PARP4: variants seen among roughly 807,000 people sequenced by gnomAD.
PARP4 encodes the protein poly(ADP-ribose) polymerase family member 4.
PARP4 carries 120 observed loss-of-function variants against 187.7 expected under a neutral mutation model. The ratio of observed to expected loss-of-function variants is 0.64; its 90% CI spans 0.55 to 0.74. PARP4 has a LOEUF of 0.74. Among genes scored for constraint, PARP4 ranks in the 30% least tolerant of loss-of-function variants. PARP4 has a pLI of 0.00. For missense variants in PARP4, 1,836 were observed against 2,070.5 expected, an observed-to-expected ratio of 0.89 and a Z score of 2.20; for synonymous variants, 654 against 740.9, an observed-to-expected ratio of 0.88 and a Z score of 1.90.
intron 33 of PARP4, among the ~76,000 whole-genome samples, 189 bp downstream of exon 33, chr13:24,426,277 C>G (rs1870045159): frequency 6.6e-6 from 1 of 152,016 alleles, no homozygotes; most frequent in Admixed American, 6.6e-5. Flanking sequence ...CCTGTGCAGC[C>G]CAAGGCACAA....
At chr13:24,511,050 A>G (rs1268135823) in intron 1 of PARP4, among the ~76,000 whole-genome samples, 2 of 152,162 alleles carry the variant, frequency 1.3e-5, no homozygotes, top group East Asian at 3.9e-4. Context: ...AGCCTCCCAG[A>G]GTGCTGGGGT....
intron 33 of PARP4, among the ~76,000 whole-genome samples, chr13:24,425,507 G>T (rs775513223): frequency 5.0e-4 from 76 of 151,304 alleles, no homozygotes; most frequent in African/African-American, 1.8e-3. Flanking sequence ...CCAATTACAT[G>T]TGTATGTATA....
intron 18 of PARP4, 50 bp from the exon 19 acceptor site, chr13:24,459,360 C>T: frequency 1.4e-6 from 2 of 1,449,696 alleles, no homozygotes; most frequent in African/African-American, 1.4e-5. Flanking sequence ...TTAAGTTTCA[C>T]AATGAGACTA....
rs147365551 is a variant in PARP4 at position 24,498,214 on chromosome 13, C to G, written c.493G>C (p.Gly165Arg). 2 of 1,612,722 alleles carry G rather than the reference C, an allele frequency of 1.2e-6. No individual in the cohort carries two copies. The highest frequency in any genetic ancestry group is 1.7e-6 in the Non-Finnish European group (2 of 1,179,672). Reference protein sequence around the residue: ...NTLEKVGMEGGQEAVVVELQC... With the variant: ...NTLEKVGMEGRQEAVVVELQC... ...AGCTCCACCACCACAGCTTCCTGGC[C>G]TCCCTCCATTCCCACCTGGAAAACA... Residue 165 changes from glycine (G) to arginine (R), a missense_variant, in exon 6 of 34, where the codon GGC (glycine) becomes CGC (arginine). Gly to Arg is a moderately radical substitution (Grantham distance 125, BLOSUM62 -2). This residue lies in a region of PARP4 where 1,147 missense variants were observed against 1,214.2 expected (regional missense o/e 0.94). Coordinates refer to ENST00000381989, the MANE Select transcript of PARP4 (RefSeq NM_006437.4).
intron 19 of PARP4, 49 bp from the exon 20 acceptor site, chr13:24,459,171 T>C: frequency 1.3e-6 from 2 of 1,569,912 alleles, no homozygotes; most frequent in South Asian, 1.2e-5. Flanking sequence ...CTTAAATTTC[T>C]ATCTGAAATT....
chr13:24,492,462 CT>C lies in PARP4; in HGVS notation c.1011del (p.Val338Ter). ...LIPHKGTMPK[E>X]VNLGLLAKKA... ...TTCTTAGCCAATAGTCCCAGGTTCA[CT>C]TCTTTGGGCATTGTGCCTTTGTGAG... On this transcript the variant is annotated frameshift_variant, in exon 9 of 34. Coordinates refer to ENST00000381989, the MANE Select transcript of PARP4 (RefSeq NM_006437.4). LOFTEE classifies it high-confidence loss of function. The C allele has an allele frequency of 6.2e-7, 1 of 1,614,084 alleles. No homozygotes were observed. The highest frequency in any genetic ancestry group is 8.5e-7 in the Non-Finnish European group (1 of 1,179,954).
chr13:24,495,525 A>C (rs1304282862), intron 6 of PARP4, among the ~76,000 whole-genome samples: 7 of 152,192 alleles, frequency 4.6e-5, no homozygotes, highest in Non-Finnish European at 1.0e-4. Flanking sequence ...CTCCTCCCTC[A>C]TCCCAAACTG....
intron 22 of PARP4, 125 bp from the exon 23 acceptor site, chr13:24,453,779 C>T (rs1458050051): frequency 1.6e-6 from 1 of 622,036 alleles, no homozygotes; most frequent in African/African-American, 1.9e-5. Context: ...TATGTGTGTA[C>T]CTTTCTTTTT....
intron 18 of PARP4, chr13:24,459,617 C>A: frequency 2.7e-6 from 1 of 366,564 alleles, no homozygotes. Context: ...AGGGATATAC[C>A]GAAGTATTAA....
intron 9 of PARP4, among the ~76,000 whole-genome samples, chr13:24,491,758 G>A (rs1411402950): frequency 6.6e-6 from 1 of 152,036 alleles, no homozygotes; most frequent in Non-Finnish European, 1.5e-5. Context: ...CAGAGGAGAT[G>A]GCCCATTTCT....
chr13:24,452,620 G>C (rs1323727623), intron 23 of PARP4, 27 bp from the exon 24 acceptor site: 1 of 1,578,394 alleles, frequency 6.3e-7, no homozygotes, highest in Admixed American at 1.7e-5. Flanking sequence ...GAAAGATTAT[G>C]TTCTCCTTGT....
Position 24,503,740 on chromosome 13 carries a change from A to G in PARP4, c.37T>C (p.Leu13=), listed in dbSNP as rs1869442824. 1 of 1,614,144 alleles carries G rather than the reference A, an allele frequency of 6.2e-7. No individual in the cohort carries two copies. The highest frequency in any genetic ancestry group is 1.3e-5 in the African/African-American group (1 of 75,054). ...MGIFANCIFC[L]KVKYLPQQQK... ...TGCTGAGGTAAGTACTTCACTTTCA[A>G]ACAGAAGATACAATTTGCAAAGATT... The change falls in exon 2 of 34, where the codon TTG becomes CTG. Residue 13 remains leucine, a synonymous_variant. Transcript: ENST00000381989.
intron 1 of PARP4, among the ~76,000 whole-genome samples, chr13:24,504,786 T>G (rs901640554): frequency 7.0e-4 from 106 of 151,888 alleles, no homozygotes; most frequent in African/African-American, 2.5e-3. Context: ...CTCCACCTCC[T>G]GGATTCAATT....
chr13:24,431,990 G>A (rs1970485), intron 31 of PARP4, among the ~76,000 whole-genome samples: 142,636 of 152,218 alleles, frequency 0.94, 66,967 homozygotes, highest in East Asian at 0.99. Flanking sequence ...GCCTCCCAAA[G>A]TGCTGGGATT....
At chr13:24,450,316 G>A (rs1194940422) in intron 24 of PARP4, among the ~76,000 whole-genome samples, 6 of 151,960 alleles carry the variant, frequency 3.9e-5, no homozygotes, top group African/African-American at 1.4e-4. Flanking sequence ...AATGACAAGT[G>A]CCCTATTACT....
Position 24,500,329 on chromosome 13 carries a change from C to T in PARP4, c.388G>A (p.Val130Met). The T allele has an allele frequency of 2.5e-6, 4 of 1,596,650 alleles. No homozygotes were observed. The highest frequency in any genetic ancestry group is 3.4e-6 in the Non-Finnish European group (4 of 1,169,768). The change falls in exon 4 of 34, where the codon GTG becomes ATG. Residue 130 changes from valine (V) to methionine (M), a missense_variant. Coordinates refer to ENST00000381989, the MANE Select transcript of PARP4 (RefSeq NM_006437.4). ...GAAGTAAATTACTCAGTGAGTTCCA[C>T]AGTGTCTTCCTCCTCTGTGGCACTG... ...PDSATEEEDT[V>M]ELTEFGMQNV...
intron 27 of PARP4, among the ~76,000 whole-genome samples, chr13:24,444,624 T>C (rs1871118272): frequency 6.6e-6 from 1 of 152,186 alleles, no homozygotes; most frequent in Non-Finnish European, 1.5e-5. Flanking sequence ...TCAGTACCAG[T>C]GCAAATATTA....
At chr13:24,425,569 G>A (rs12857813) in intron 33 of PARP4, among the ~76,000 whole-genome samples, 43,904 of 136,736 alleles carry the variant, frequency 0.32, 7,076 homozygotes, top group Non-Finnish European at 0.37. Context: ...GTGTGTGTGT[G>A]TATATCTATA....
chr13:24,448,022 T>C (rs1871298612), intron 25 of PARP4, among the ~76,000 whole-genome samples: 1 of 152,084 alleles, frequency 6.6e-6, no homozygotes, highest in Non-Finnish European at 1.5e-5. Context: ...CCTAGGCCCA[T>C]GGCGAAACAC....
Sources: gnomAD v4.1 joint callset for allele counts (sites outside exome capture counted in the v4.1 genomes callset) on GRCh38, gnomAD v4.1.1 for gene constraint, gnomAD v4.1.1 regional missense constraint, MANE v1.5 for transcripts, NCBI Gene and HGNC (gene_info 2026-07-23, HGNC 2026-07-21) for gene names.